STK39: variants seen among roughly 807,000 people sequenced by gnomAD.
The protein encoded by STK39 is STE20/SPS1-related proline-alanine-rich protein kinase.
In STK39, 20 loss-of-function variants were observed where a neutral mutation model predicts 77.8. The observed-to-expected ratio is 0.26, with a 90% CI of 0.18 to 0.37. The LOEUF is 0.37. Among genes scored for constraint, STK39 ranks in the 10% least tolerant of loss-of-function variants. The pLI is 1.00. For missense variants in STK39, 479 were observed against 656.5 expected (o/e 0.73, Z 2.95); for synonymous variants, 246 against 234.1 (o/e 1.05, Z -0.47).
chr2:168,129,637 A>T (rs1438652841), intron 9 of STK39, 31 bp from the exon 10 acceptor site: 1 of 1,614,056 alleles, frequency 6.2e-7, no homozygotes. Context: ...ACAGTTTAAC[A>T]TCAAATATGA....
chr2:167,991,617 G>A (rs1683702574), intron 16 of STK39, among the ~76,000 whole-genome samples: 1 of 152,088 alleles, frequency 6.6e-6, no homozygotes, highest in Non-Finnish European at 1.5e-5. Flanking sequence ...CATTTTAGGA[G>A]GGGAGCACAT....
chr2:168,189,944 A>C (rs1689298426), intron 1 of STK39, among the ~76,000 whole-genome samples: 2 of 152,194 alleles, frequency 1.3e-5, no homozygotes, highest in Admixed American at 1.3e-4. Flanking sequence ...TTTGATGGGG[A>C]GTATAGGGAG....
intron 12 of STK39, among the ~76,000 whole-genome samples, chr2:168,072,278 G>A (rs1205212514): frequency 6.6e-6 from 1 of 152,184 alleles, no homozygotes; most frequent in African/African-American, 2.4e-5. Flanking sequence ...GATGACTTCT[G>A]TGGAACAAAG....
intron 2 of STK39, among the ~76,000 whole-genome samples, chr2:168,181,458 T>C (rs575043762): frequency 3.2e-4 from 48 of 152,248 alleles, no homozygotes; most frequent in Non-Finnish European, 5.9e-4. Flanking sequence ...GAAGTACAAA[T>C]TGCCACGTTA....
chr2:167,987,212 T>C (rs1683582984), intron 16 of STK39, among the ~76,000 whole-genome samples: 1 of 152,176 alleles, frequency 6.6e-6, no homozygotes, highest in Non-Finnish European at 1.5e-5. Context: ...CACTGTAGTT[T>C]CCCTACAAAA....
chr2:168,001,065 C>T (rs1683987436), intron 16 of STK39, among the ~76,000 whole-genome samples: 1 of 152,226 alleles, frequency 6.6e-6, no homozygotes, highest in South Asian at 2.1e-4. Flanking sequence ...CAGATGGTTT[C>T]CTGACTATGA....
chr2:168,182,959 G>T (rs1038662557), intron 1 of STK39, among the ~76,000 whole-genome samples: 13 of 152,302 alleles, frequency 8.5e-5, no homozygotes, highest in African/African-American at 3.1e-4. Flanking sequence ...GTGGTCAGAG[G>T]TGACAATCTT....
chr2:168,118,185 G>A lies in STK39; in HGVS notation c.1089+11356C>T, dbSNP rs139302217. Among the ~76,000 whole-genome samples the A allele has an allele frequency of 3.2e-3, 485 of 152,086 alleles. 3 individuals carry two copies. The highest frequency in any genetic ancestry group is 0.011 in the African/African-American group (456 of 41,500). ...AGGAGGCAGTCGGGAGCTTCTCTCAGCAAGTAACACGCCACTTCAGTTCCA... is the reference window on the plus strand; with the variant it reads ...AGGAGGCAGTCGGGAGCTTCTCTCAACAAGTAACACGCCACTTCAGTTCCA... On this transcript the variant is annotated intron_variant, in intron 10 of 17. Coordinates refer to ENST00000355999, the MANE Select transcript of STK39 (RefSeq NM_013233.3).
intron 1 of STK39, among the ~76,000 whole-genome samples, chr2:168,245,694 T>C (rs1285245773): frequency 1.3e-5 from 2 of 152,066 alleles, no homozygotes; most frequent in African/African-American, 4.8e-5. Context: ...GAGTAGACAA[T>C]GGGAGGAGGC....
intron 15 of STK39, among the ~76,000 whole-genome samples, chr2:168,015,713 G>A (rs1433418537): frequency 1.3e-5 from 2 of 152,124 alleles, no homozygotes; most frequent in Non-Finnish European, 2.9e-5. Flanking sequence ...CTTAAAATAA[G>A]AATCTGTTCT....
chr2:167,979,069 A>G (rs776193952), intron 16 of STK39, among the ~76,000 whole-genome samples: 12 of 152,146 alleles, frequency 7.9e-5, no homozygotes, highest in Non-Finnish European at 1.6e-4. Flanking sequence ...GTTTGTTTAC[A>G]TATTCACCTC....
intron 16 of STK39, among the ~76,000 whole-genome samples, chr2:167,967,344 C>T (rs1692185346): frequency 1.3e-5 from 2 of 152,178 alleles, no homozygotes; most frequent in Non-Finnish European, 2.9e-5. Context: ...TGCACTGAGG[C>T]CCCCAGGGAC....
At chr2:167,957,123 A>G (rs528839493) in intron 17 of STK39, among the ~76,000 whole-genome samples, 8 of 152,198 alleles carry the variant, frequency 5.3e-5, no homozygotes, top group Non-Finnish European at 1.2e-4. Flanking sequence ...TCAGCTAACT[A>G]TAATGTTTGT....
chr2:168,090,301 GAAT>G (rs1686485045), intron 10 of STK39, among the ~76,000 whole-genome samples: 1 of 152,136 alleles, frequency 6.6e-6, no homozygotes, highest in Admixed American at 6.5e-5. Context: ...TTGAATGAAT[GAAT>G]GAATGAATGA....
chr2:168,018,151 AATATT>A lies in STK39; in HGVS notation c.1377-1061_1377-1057del, dbSNP rs1317330121. Reference sequence around the variant, plus strand: ...TTTCAACTTCTTGTAAGAACACTAAAATATTATAAGTATCAACAGATGCTAGAATT... The same window carrying A: ...TTTCAACTTCTTGTAAGAACACTAAAATAAGTATCAACAGATGCTAGAATT... On this transcript the variant is annotated intron_variant, in intron 14 of 17. Transcript: ENST00000355999. 3.3e-5 allele frequency among the ~76,000 whole-genome samples: 5 copies of A among 152,198 alleles called. No individual in the cohort carries two copies. The South Asian group carries it at 1.0e-3, about 32-fold the overall frequency.
At chr2:168,209,866 GCAGGCGT>G (rs529969453) in intron 1 of STK39, among the ~76,000 whole-genome samples, 89 of 152,076 alleles carry the variant, frequency 5.9e-4, no homozygotes, top group African/African-American at 1.8e-3. Context: ...AGGCGTGGTG[GCAGGCGT>G]CTATAATCCC....
At chr2:168,247,073 A>AAC (rs1278177201) in intron 1 of STK39, among the ~76,000 whole-genome samples, 155 bp downstream of exon 1, 1 of 137,358 alleles carries the variant, frequency 7.3e-6, no homozygotes, top group African/African-American at 2.6e-5. Context: ...AAAAAAAAAA[A>AAC]AAAAAAAAAA....
chr2:167,970,336 G>T (rs1692297224), intron 16 of STK39, among the ~76,000 whole-genome samples: 1 of 152,180 alleles, frequency 6.6e-6, no homozygotes, highest in South Asian at 2.1e-4. Flanking sequence ...CCCAGTGCCT[G>T]ACATAGACGG....
intron 14 of STK39, among the ~76,000 whole-genome samples, chr2:168,019,858 C>T (rs1684527619): frequency 6.6e-6 from 1 of 152,066 alleles, no homozygotes; most frequent in South Asian, 2.1e-4. Flanking sequence ...AGTGTGCTAC[C>T]ACGCCCAGCT....
Sources: allele counts gnomAD v4.1 joint callset (sites outside exome capture counted in the v4.1 genomes callset), GRCh38; gene constraint gnomAD v4.1.1; transcripts MANE v1.5; gene names NCBI Gene and HGNC (gene_info 2026-07-23, HGNC 2026-07-21).